REDIC1: variants seen among roughly 807,000 people sequenced by gnomAD.
REDIC1 encodes the protein regulator of DNA class I crossover intermediates 1.
chr12:39,848,035 T>G, the REDIC1 span, among the ~76,000 whole-genome samples: 5 of 152,080 alleles, frequency 3.3e-5, no homozygotes, highest in African/African-American at 1.2e-4. Context: ...GTGTGCCAAA[T>G]GAAAGAATGA....
chr12:39,765,609 T>C, the REDIC1 span, among the ~76,000 whole-genome samples: 58 of 152,198 alleles, frequency 3.8e-4, no homozygotes, highest in African/African-American at 1.4e-3. Flanking sequence ...ATTGTTACCA[T>C]ATTTATGAAC....
chr12:39,640,581 A>G, the REDIC1 span, among the ~76,000 whole-genome samples: 144 of 152,070 alleles, frequency 9.5e-4, 2 homozygotes, highest in African/African-American at 3.2e-3. Flanking sequence ...ATTTCAGTAG[A>G]ATGTTGAAAT....
At chr12:39,680,733 C>G in the REDIC1 span, among the ~76,000 whole-genome samples, 1 of 151,486 alleles carries the variant, frequency 6.6e-6, no homozygotes, top group Non-Finnish European at 1.5e-5. Context: ...GCCTAAATGC[C>G]TATCAACCAA....
the REDIC1 span, among the ~76,000 whole-genome samples, chr12:39,698,522 A>C: frequency 6.6e-6 from 1 of 152,234 alleles, no homozygotes. Flanking sequence ...AGAACATTTC[A>C]TCCAGTAGCT....
the REDIC1 span, among the ~76,000 whole-genome samples, chr12:39,882,099 G>C: frequency 1.1e-3 from 173 of 152,146 alleles, no homozygotes; most frequent in African/African-American, 4.0e-3. Flanking sequence ...TCCAGACACT[G>C]CTTCTTTTTT....
the REDIC1 span, chr12:39,864,904 A>G: frequency 6.3e-6 from 10 of 1,599,180 alleles, no homozygotes; most frequent in African/African-American, 1.2e-4. Context: ...AAAGTTTTAT[A>G]TTAGAGAAGA....
At chr12:39,755,850 T>C in the REDIC1 span, 1 of 152,086 alleles carries the variant, frequency 6.6e-6, no homozygotes, top group Non-Finnish European at 1.5e-5. Flanking sequence ...TAGCAAATTA[T>C]ACGGATAAAA....
the REDIC1 span, among the ~76,000 whole-genome samples, chr12:39,676,025 C>T: frequency 6.6e-6 from 1 of 152,110 alleles, no homozygotes; most frequent in African/African-American, 2.4e-5. Flanking sequence ...AATTCTGGTA[C>T]TATGACAAAA....
At chr12:39,678,265 A>G in the REDIC1 span, among the ~76,000 whole-genome samples, 1 of 152,170 alleles carries the variant, frequency 6.6e-6, no homozygotes, top group Non-Finnish European at 1.5e-5. Context: ...ATTATAACTG[A>G]TACTACAGAA....
At chr12:39,704,570 G>A in the REDIC1 span, among the ~76,000 whole-genome samples, 2 of 151,904 alleles carry the variant, frequency 1.3e-5, no homozygotes, top group Non-Finnish European at 2.9e-5. Context: ...TCCCATTACT[G>A]GGTATATACC....
At chr12:39,743,412 A>C in the REDIC1 span, among the ~76,000 whole-genome samples, 48 of 152,228 alleles carry the variant, frequency 3.2e-4, no homozygotes, top group Admixed American at 2.1e-3. Context: ...AAGTTTACTT[A>C]TCAGAGTTCC....
chr12:39,790,279 T>C, the REDIC1 span, among the ~76,000 whole-genome samples: 1 of 151,812 alleles, frequency 6.6e-6, no homozygotes, highest in Non-Finnish European at 1.5e-5. Flanking sequence ...TGCAGGTTAG[T>C]TACATATGTA....
the REDIC1 span, chr12:39,760,396 G>T: frequency 1.6e-6 from 1 of 640,552 alleles, no homozygotes; most frequent in East Asian, 2.8e-5. Flanking sequence ...CTATGAACCT[G>T]GTTTACTCCA....
chr12:39,890,410 G>A, the REDIC1 span, among the ~76,000 whole-genome samples: 2 of 152,084 alleles, frequency 1.3e-5, no homozygotes, highest in African/African-American at 4.8e-5. Context: ...TACTTTACCT[G>A]GCAAAGGGAA....
At chr12:39,868,586 C>T in the REDIC1 span, among the ~76,000 whole-genome samples, 13 of 152,100 alleles carry the variant, frequency 8.5e-5, no homozygotes, top group African/African-American at 2.9e-4. Context: ...TCCTTGGCAA[C>T]TGTGATGAAG....
chr12:39,808,476 T>C, the REDIC1 span, among the ~76,000 whole-genome samples: 3 of 152,160 alleles, frequency 2.0e-5, no homozygotes, highest in African/African-American at 7.2e-5. Context: ...ATTGAATTAC[T>C]GGGTTGTATG....
At chr12:39,687,768 A>G in the REDIC1 span, among the ~76,000 whole-genome samples, 6 of 152,378 alleles carry the variant, frequency 3.9e-5, no homozygotes, top group East Asian at 7.7e-4. Context: ...TGAAATATCT[A>G]TAAACACTGC....
chr12:39,681,887 A>T, the REDIC1 span, among the ~76,000 whole-genome samples: 242 of 152,318 alleles, frequency 1.6e-3, 2 homozygotes, highest in African/African-American at 5.3e-3. Context: ...AACCTCTGGA[A>T]CAACTCACTT....
the REDIC1 span, among the ~76,000 whole-genome samples, chr12:39,740,091 C>A: frequency 6.6e-6 from 1 of 152,176 alleles, no homozygotes; most frequent in Non-Finnish European, 1.5e-5. Flanking sequence ...CAAGAGCAAC[C>A]AACATGGGAT....
Sources: allele counts gnomAD v4.1 joint callset (sites outside exome capture counted in the v4.1 genomes callset), GRCh38; gene constraint gnomAD v4.1.1; transcripts MANE v1.5; gene names NCBI Gene and HGNC (gene_info 2026-07-23, HGNC 2026-07-21).